SPAG16: variants seen among roughly 807,000 people sequenced by gnomAD.
The protein encoded by SPAG16 is sperm associated antigen 16, also known as sperm-associated antigen 16 protein.
Under a neutral mutation model 80.4 loss-of-function variants are expected in SPAG16, and 86 were observed. That is an observed-to-expected ratio of 1.07 (90% CI 0.90 to 1.28). The LOEUF is 1.28. Among genes scored for constraint, SPAG16 ranks in the 50% most tolerant of loss-of-function variants. SPAG16 has a pLI of 0.00. For synonymous variants in SPAG16, 294 were observed against 265.9 expected (o/e 1.11, Z -1.03); for missense variants, 870 against 765.3 (o/e 1.14, Z -1.61).
At chr2:213,372,605 T>A (rs1187263761) in intron 8 of SPAG16, among the ~76,000 whole-genome samples, 1 of 152,116 alleles carries the variant, frequency 6.6e-6, no homozygotes, top group Non-Finnish European at 1.5e-5. Context: ...ATATAACATC[T>A]TCTTATTTAA....
Position 213,670,161 on chromosome 2 carries a change from A to AT in SPAG16, c.1070+180079dup, listed in dbSNP as rs540046420. ...AGGTGCCTGCCACCATGCCCAGCTA[A>AT]TTTTTTTTGTATTTTTAGTAGAGAT... On this transcript the variant is annotated intron_variant, in intron 10 of 15. Coordinates refer to ENST00000331683, the MANE Select transcript of SPAG16 (RefSeq NM_024532.5). Among the ~76,000 whole-genome samples, 18 of 151,490 alleles carry AT rather than the reference A, an allele frequency of 1.2e-4. No homozygotes were observed. The South Asian group carries it at 1.3e-3, about 11-fold the overall frequency.
rs1040408916 is a variant in SPAG16, at chr2:213,918,811, A to AT, written c.1215-11141dup. 1.7e-3 allele frequency among the ~76,000 whole-genome samples: 258 copies of AT among 151,762 alleles called. 2 individuals carry two copies. The highest frequency in any genetic ancestry group is 6.8e-3 in the Middle Eastern group (2 of 292). ...TATTACTGATTCAGTTTTGTAACTC[A>AT]TTTTTTTTGTCTGTGCAGGGATTCA... On this transcript the variant is annotated intron_variant, in intron 11 of 15. Coordinates refer to ENST00000331683, the MANE Select transcript of SPAG16 (RefSeq NM_024532.5).
At chr2:214,136,925 T>C (rs563935687) in intron 14 of SPAG16, among the ~76,000 whole-genome samples, 6 of 152,286 alleles carry the variant, frequency 3.9e-5, no homozygotes, top group African/African-American at 1.2e-4. Flanking sequence ...TACCTTCACA[T>C]ATTGAAGGCA....
intron 15 of SPAG16, among the ~76,000 whole-genome samples, chr2:214,363,482 G>A (rs908688076): frequency 2.6e-5 from 4 of 151,704 alleles, no homozygotes; most frequent in African/African-American, 4.8e-5. Flanking sequence ...TGTGTCCTGT[G>A]GACCCACATT....
chr2:214,071,793 C>G lies in SPAG16; in HGVS notation c.1528-36403C>G, dbSNP rs570870447. On this transcript the variant is annotated intron_variant, in intron 13 of 15. Transcript: ENST00000331683. ...TATATATTTCTTTGGTCATTGTAAT[C>G]AGGATCTAGGATGAAGAACACAATT... Among the ~76,000 whole-genome samples the G allele has an allele frequency of 8.5e-5, 13 of 152,198 alleles. No homozygotes were observed. The East Asian group carries it at 2.3e-3, about 27-fold the overall frequency.
At chr2:214,265,104 C>T (rs1258095994) in intron 15 of SPAG16, among the ~76,000 whole-genome samples, 1 of 152,112 alleles carries the variant, frequency 6.6e-6, no homozygotes, top group Non-Finnish European at 1.5e-5. Flanking sequence ...GTTTTCAACT[C>T]TTTTGAGTAA....
chr2:213,979,966 T>C (rs149278346), intron 12 of SPAG16, among the ~76,000 whole-genome samples: 99 of 152,038 alleles, frequency 6.5e-4, no homozygotes, highest in Middle Eastern at 6.8e-3. Flanking sequence ...ATAAATTTTC[T>C]CTCCACCCTT....
At chr2:214,161,446 A>G (rs763399745) in intron 15 of SPAG16, among the ~76,000 whole-genome samples, 12 of 152,128 alleles carry the variant, frequency 7.9e-5, no homozygotes, top group Non-Finnish European at 1.6e-4. Context: ...TTATTTCTAC[A>G]CAACCTCACC....
intron 13 of SPAG16, among the ~76,000 whole-genome samples, chr2:214,082,194 T>A (rs1022885745): frequency 3.3e-5 from 5 of 152,186 alleles, no homozygotes; most frequent in African/African-American, 1.2e-4. Context: ...TGGCTCCTAC[T>A]GCTCTAATTT....
At chr2:213,504,493 GT>G (rs552920869) in intron 10 of SPAG16, among the ~76,000 whole-genome samples, 44 of 152,122 alleles carry the variant, frequency 2.9e-4, no homozygotes, top group Admixed American at 2.4e-3. Flanking sequence ...ATTATTTTTA[GT>G]TTAAAAATAA....
intron 4 of SPAG16, among the ~76,000 whole-genome samples, chr2:213,311,179 A>G (rs1001894460): frequency 6.6e-6 from 1 of 151,762 alleles, no homozygotes; most frequent in Non-Finnish European, 1.5e-5. Context: ...AAGAAAAATA[A>G]TACTGCTTCT....
intron 15 of SPAG16, among the ~76,000 whole-genome samples, chr2:214,288,791 C>G: frequency 7.4e-5 from 1 of 13,534 alleles, no homozygotes; most frequent in East Asian, 2.6e-3. Context: ...TTATTTGAGA[C>G]GTTGTCTCGC....
chr2:214,349,496 A>C (rs1457946933), intron 15 of SPAG16, among the ~76,000 whole-genome samples: 3 of 152,190 alleles, frequency 2.0e-5, no homozygotes. Flanking sequence ...ATTGATGGAC[A>C]CCTGTGCTAT....
intron 14 of SPAG16, among the ~76,000 whole-genome samples, chr2:214,123,513 A>G (rs535894981): frequency 5.9e-5 from 9 of 152,124 alleles, no homozygotes; most frequent in African/African-American, 1.9e-4. Flanking sequence ...CTTTACATCA[A>G]CTGTGTCCTG....
chr2:214,317,222 A>G (rs1038405531), intron 15 of SPAG16, among the ~76,000 whole-genome samples: 1 of 152,156 alleles, frequency 6.6e-6, no homozygotes, highest in Non-Finnish European at 1.5e-5. Flanking sequence ...CCAAGGTCAC[A>G]CAGAGACTTT....
At chr2:214,264,214 TCTC>T (rs1215840314) in intron 15 of SPAG16, among the ~76,000 whole-genome samples, 1 of 152,136 alleles carries the variant, frequency 6.6e-6, no homozygotes, top group Non-Finnish European at 1.5e-5. Flanking sequence ...TCAGATCAAA[TCTC>T]CTATATAAGA....
chr2:214,202,675 A>T (rs1912167), intron 15 of SPAG16, among the ~76,000 whole-genome samples: 7 of 152,140 alleles, frequency 4.6e-5, no homozygotes, highest in South Asian at 2.1e-4. Context: ...TTAAGAAGGA[A>T]GTTGCACTTC....
chr2:213,839,546 A>G (rs548285275), intron 10 of SPAG16, among the ~76,000 whole-genome samples: 79 of 152,328 alleles, frequency 5.2e-4, no homozygotes, highest in South Asian at 1.0e-3. Context: ...ATCAAGTTGC[A>G]AACTTTGAAA....
At chr2:213,688,502 T>G (rs549793815) in intron 10 of SPAG16, among the ~76,000 whole-genome samples, 2 of 152,306 alleles carry the variant, frequency 1.3e-5, no homozygotes, top group Non-Finnish European at 1.5e-5. Context: ...CATAAAATAT[T>G]TGGATTTTCT....
Sources: allele counts gnomAD v4.1 joint callset (sites outside exome capture counted in the v4.1 genomes callset), GRCh38; gene constraint gnomAD v4.1.1; transcripts MANE v1.5; gene names NCBI Gene and HGNC (gene_info 2026-07-23, HGNC 2026-07-21).